Variants in UBE2E3 observed in about 807,000 individuals in gnomAD.
UBE2E3 encodes ubiquitin conjugating enzyme E2 E3.
UBE2E3 carries 5 observed loss-of-function variants against 23.6 expected under a neutral mutation model. The ratio of observed to expected loss-of-function variants is 0.21; its 90% CI spans 0.11 to 0.44. The LOEUF (loss-of-function observed/expected upper bound fraction) is 0.44. Ranked by LOEUF, UBE2E3 falls within the 20% of genes least tolerant of loss-of-function variation. The pLI, the probability that UBE2E3 is intolerant of heterozygous loss-of-function variation, is 0.99. For missense variants in UBE2E3, 81 were observed against 249.8 expected (o/e 0.32, Z 4.55); for synonymous variants, 78 against 87.5 (o/e 0.89, Z 0.60).
chr2:181,042,472 T>C (rs948516077), intron 3 of UBE2E3, among the ~76,000 whole-genome samples: 5 of 152,160 alleles, frequency 3.3e-5, no homozygotes, highest in African/African-American at 4.8e-5. Context: ...TATTTATTAA[T>C]TGAATTCAGA....
intron 3 of UBE2E3, among the ~76,000 whole-genome samples, chr2:181,037,735 A>G (rs11692072): frequency 0.78 from 118,684 of 152,004 alleles, 46,619 homozygotes; most frequent in East Asian, 0.91. Flanking sequence ...TTAGGAGGTT[A>G]AGGGGGGAGG....
chr2:181,054,449 A>G lies in UBE2E3; in HGVS notation c.246-3244A>G, dbSNP rs554890442. Among the ~76,000 whole-genome samples the G allele has an allele frequency of 6.6e-5, 10 of 151,922 alleles. No homozygotes were observed. In the East Asian group the frequency reaches 1.9e-3, roughly 30 times the overall value. ...GCCATTCTAATAGGTGTGTAGTGGCATGCTTTTCTTGTTTTAACTTGAAAT... is the reference window on the plus strand; with the variant it reads ...GCCATTCTAATAGGTGTGTAGTGGCGTGCTTTTCTTGTTTTAACTTGAAAT... On this transcript the variant is annotated intron_variant, in intron 3 of 5. Coordinates refer to ENST00000410062, the MANE Select transcript of UBE2E3 (RefSeq NM_006357.4).
intron 3 of UBE2E3, among the ~76,000 whole-genome samples, chr2:181,041,867 G>A (rs910623933): frequency 6.6e-6 from 1 of 152,186 alleles, no homozygotes; most frequent in Admixed American, 6.5e-5. Context: ...TGGAGTGTGA[G>A]TCAAAACACC....
chr2:181,062,185 A>G (rs1687176560), intron 5 of UBE2E3, among the ~76,000 whole-genome samples: 1 of 151,230 alleles, frequency 6.6e-6, no homozygotes. Flanking sequence ...GTTTTTTTTT[A>G]CTGGCTATGG....
At chr2:181,020,825 A>G (rs1685648578) in intron 3 of UBE2E3, among the ~76,000 whole-genome samples, 1 of 152,224 alleles carries the variant, frequency 6.6e-6, no homozygotes, top group Non-Finnish European at 1.5e-5. Flanking sequence ...TCACCTCATT[A>G]TATCTGGATT....
intron 5 of UBE2E3, 83 bp from the exon 6 acceptor site, chr2:181,062,708 C>T (rs1362143028): frequency 3.0e-6 from 2 of 657,120 alleles, no homozygotes; most frequent in Non-Finnish European, 4.9e-6. Flanking sequence ...GAAAAATAAG[C>T]ATTTCATTTT....
At chr2:181,031,614 T>C (rs914938066) in intron 3 of UBE2E3, among the ~76,000 whole-genome samples, 2 of 152,190 alleles carry the variant, frequency 1.3e-5, no homozygotes, top group Non-Finnish European at 2.9e-5. Flanking sequence ...TTTCTGTTTT[T>C]CTCTTTCTGC....
intron 3 of UBE2E3, among the ~76,000 whole-genome samples, chr2:181,044,191 T>C (rs141287703): frequency 0.015 from 2,225 of 152,230 alleles, 58 homozygotes; most frequent in African/African-American, 0.051. Context: ...GGTTTTGTGT[T>C]AAAGATTATT....
intron 1 of UBE2E3, among the ~76,000 whole-genome samples, chr2:180,981,805 GT>G (rs972942705): frequency 6.6e-6 from 1 of 152,184 alleles, no homozygotes; most frequent in Non-Finnish European, 1.5e-5. Context: ...ATGTGAGTGG[GT>G]TTTCTAACTT....
At chr2:181,062,186 C>T (rs1355193496) in intron 5 of UBE2E3, among the ~76,000 whole-genome samples, 2 of 151,266 alleles carry the variant, frequency 1.3e-5, no homozygotes, top group East Asian at 3.9e-4. Context: ...TTTTTTTTTA[C>T]TGGCTATGGT....
intron 3 of UBE2E3, among the ~76,000 whole-genome samples, chr2:180,997,875 C>T (rs763687652): frequency 2.6e-5 from 4 of 151,978 alleles, no homozygotes; most frequent in Admixed American, 6.6e-5. Context: ...TTTGTGAAGC[C>T]CTTCCTGCAC....
chr2:181,022,912 C>T (rs1239648554), intron 3 of UBE2E3, among the ~76,000 whole-genome samples: 1 of 152,172 alleles, frequency 6.6e-6, no homozygotes, highest in Non-Finnish European at 1.5e-5. Context: ...TGTCCTTCAA[C>T]TTACAATGGG....
At chr2:181,059,500 TA>T (rs1192089045) in intron 4 of UBE2E3, among the ~76,000 whole-genome samples, 1 of 151,746 alleles carries the variant, frequency 6.6e-6, no homozygotes, top group African/African-American at 2.4e-5. Context: ...ACATAAAACA[TA>T]AAACAATTTT....
intron 3 of UBE2E3, among the ~76,000 whole-genome samples, chr2:181,051,837 G>A (rs183597530): frequency 2.6e-5 from 4 of 151,818 alleles, no homozygotes; most frequent in Non-Finnish European, 5.9e-5. Flanking sequence ...GAATACATGA[G>A]CTAGTTTTAT....
intron 3 of UBE2E3, among the ~76,000 whole-genome samples, chr2:181,043,619 A>G (rs760739903): frequency 6.6e-6 from 1 of 152,206 alleles, no homozygotes; most frequent in Non-Finnish European, 1.5e-5. Flanking sequence ...GAATTATTGT[A>G]TAATATTTGA....
intron 3 of UBE2E3, among the ~76,000 whole-genome samples, chr2:181,005,040 C>T (rs1026286130): frequency 1.3e-5 from 2 of 152,170 alleles, no homozygotes; most frequent in African/African-American, 4.8e-5. Context: ...ACTTTGAATG[C>T]CTGTATCAGA....
intron 3 of UBE2E3, among the ~76,000 whole-genome samples, chr2:180,988,792 C>T (rs1684562335): frequency 6.6e-6 from 1 of 152,122 alleles, no homozygotes; most frequent in African/African-American, 2.4e-5. Flanking sequence ...CTCTCTCACA[C>T]ATGTAGATAG....
chr2:181,027,774 A>C (rs1441208152), intron 3 of UBE2E3, among the ~76,000 whole-genome samples: 2 of 151,950 alleles, frequency 1.3e-5, no homozygotes, highest in African/African-American at 4.8e-5. Context: ...CTTTGCTGTC[A>C]CTCTTAACAT....
chr2:180,989,520 T>C (rs945403496), intron 3 of UBE2E3, among the ~76,000 whole-genome samples: 9 of 152,154 alleles, frequency 5.9e-5, no homozygotes, highest in African/African-American at 1.9e-4. Flanking sequence ...ACCTAGCTAC[T>C]GTTTTTGCTT....
Sources: gnomAD v4.1 joint callset for allele counts (sites outside exome capture counted in the v4.1 genomes callset) on GRCh38, gnomAD v4.1.1 for gene constraint, MANE v1.5 for transcripts, NCBI Gene and HGNC (gene_info 2026-07-23, HGNC 2026-07-21) for gene names.